Variants in EYS observed in about 807,000 individuals in gnomAD.
EYS encodes the protein EGF-like photoreceptor maintenance factor.
In EYS, 250 loss-of-function variants were observed where a neutral mutation model predicts 282.1. The observed-to-expected ratio is 0.89, with a 90% CI of 0.80 to 0.98. EYS has a LOEUF of 0.98. Among genes scored for constraint, EYS ranks in the 50% least tolerant of loss-of-function variants. The probability of loss-of-function intolerance (pLI) is 0.00; values close to 1 mark genes in which losing one functional copy is unlikely to be tolerated. For synonymous variants in EYS, 1,355 were observed against 1,282.9 expected, an observed-to-expected ratio of 1.06 and a Z score of -1.20; for missense variants, 4,016 against 3,709.0, an observed-to-expected ratio of 1.08 and a Z score of -2.15.
At chr6:64,138,026 C>G (rs996786513) in intron 31 of EYS, among the ~76,000 whole-genome samples, 1 of 152,172 alleles carries the variant, frequency 6.6e-6, no homozygotes, top group East Asian at 1.9e-4. Flanking sequence ...AGAATAGTGA[C>G]TTTAAGCACT....
intron 36 of EYS, chr6:63,821,275 A>C (rs1238387749): frequency 6.6e-6 from 1 of 152,090 alleles, no homozygotes; most frequent in Non-Finnish European, 1.5e-5. Flanking sequence ...GTTAAAATAG[A>C]AGTTCTAGCT....
At chr6:65,645,532 T>C in intron 1 of EYS, among the ~76,000 whole-genome samples, 1 of 152,118 alleles carries the variant, frequency 6.6e-6, no homozygotes, top group South Asian at 2.1e-4. Flanking sequence ...GCAAAAGTGG[T>C]GCTAAGAGGA....
chr6:64,773,565 A>G (rs1773589571), intron 22 of EYS, among the ~76,000 whole-genome samples: 1 of 152,042 alleles, frequency 6.6e-6, no homozygotes, highest in African/African-American at 2.4e-5. Context: ...GCATTCTACA[A>G]TGGGTGAACT....
chr6:65,353,739 A>T (rs1764373719), intron 8 of EYS, 122 bp from the exon 9 acceptor site: 2 of 697,206 alleles, frequency 2.9e-6, no homozygotes, highest in East Asian at 5.5e-5. Flanking sequence ...TATGGGACAC[A>T]CTTTTTATAC....
intron 30 of EYS, among the ~76,000 whole-genome samples, chr6:64,253,017 A>G (rs1253572145): frequency 6.6e-6 from 1 of 152,242 alleles, no homozygotes; most frequent in East Asian, 1.9e-4. Flanking sequence ...AGGCCACTGC[A>G]TATTACATAT....
intron 22 of EYS, among the ~76,000 whole-genome samples, chr6:64,748,359 G>C (rs12209510): frequency 0.68 from 103,520 of 152,150 alleles, 37,412 homozygotes; most frequent in Non-Finnish European, 0.8. Flanking sequence ...TCCACAGACA[G>C]GGTGAGGAGG....
intron 35 of EYS, among the ~76,000 whole-genome samples, chr6:63,972,555 T>C (rs919976182): frequency 2.6e-5 from 4 of 152,140 alleles, no homozygotes; most frequent in African/African-American, 4.8e-5. Flanking sequence ...TTTTTTATTA[T>C]TATACTTTAA....
Position 65,017,554 on chromosome 6 carries a change from G to A in EYS, c.2138-19851C>T, listed in dbSNP as rs556793846. Among the ~76,000 whole-genome samples, 13 of 152,210 alleles carry A rather than the reference G, an allele frequency of 8.5e-5. No homozygotes were observed. In the East Asian group the frequency reaches 1.7e-3, roughly 20 times the overall value. On this transcript the variant is annotated intron_variant, in intron 13 of 42. Transcript: ENST00000503581. ...AAGTGAGAGTCAATAAAGCAGCCCC[G>A]CCAGTATCAGCTAAGCTGGACTGGC...
intron 31 of EYS, among the ~76,000 whole-genome samples, chr6:64,114,339 T>C (rs76044376): frequency 0.029 from 4,369 of 152,250 alleles, 69 homozygotes; most frequent in Non-Finnish European, 0.046. Context: ...TCATAATGCC[T>C]TTCTAAACTC....
At chr6:65,022,114 G>C (rs1772268192) in intron 13 of EYS, among the ~76,000 whole-genome samples, 1 of 152,146 alleles carries the variant, frequency 6.6e-6, no homozygotes, top group Admixed American at 6.5e-5. Flanking sequence ...TTCTATAATG[G>C]TGTGTTTTAG....
chr6:64,785,806 T>C (rs1773998240), intron 22 of EYS, among the ~76,000 whole-genome samples: 1 of 152,186 alleles, frequency 6.6e-6, no homozygotes, highest in African/African-American at 2.4e-5. Flanking sequence ...TTAAATAAAG[T>C]AGATAAAGTC....
intron 18 of EYS, among the ~76,000 whole-genome samples, chr6:64,896,377 G>T (rs1767466847): frequency 6.6e-6 from 1 of 152,052 alleles, no homozygotes; most frequent in South Asian, 2.1e-4. Context: ...GAGGGACCTT[G>T]CTGTGAGGGA....
At chr6:64,028,198 A>C (rs1279871677) in intron 33 of EYS, among the ~76,000 whole-genome samples, 1 of 152,178 alleles carries the variant, frequency 6.6e-6, no homozygotes, top group Non-Finnish European at 1.5e-5. Context: ...ATCAATCCTG[A>C]AGTCTGGGCA....
intron 26 of EYS, among the ~76,000 whole-genome samples, chr6:64,469,018 C>T (rs1356672948): frequency 6.6e-6 from 1 of 152,108 alleles, no homozygotes; most frequent in East Asian, 1.9e-4. Context: ...GGTATATACC[C>T]AATGTTGGGA....
chr6:63,933,141 A>G (rs771684248), intron 35 of EYS, among the ~76,000 whole-genome samples: 3 of 152,354 alleles, frequency 2.0e-5, no homozygotes, highest in Non-Finnish European at 2.9e-5. Flanking sequence ...AGGCATGCCA[A>G]TCTCCAGGCA....
intron 31 of EYS, among the ~76,000 whole-genome samples, chr6:64,153,997 G>A (rs745745792): frequency 2.0e-4 from 30 of 152,184 alleles, no homozygotes; most frequent in Admixed American, 4.6e-4. Context: ...CAAAGATACA[G>A]TATGATAGGA....
intron 31 of EYS, among the ~76,000 whole-genome samples, chr6:64,118,437 A>G (rs1773463080): frequency 6.6e-6 from 1 of 152,124 alleles, no homozygotes; most frequent in Non-Finnish European, 1.5e-5. Flanking sequence ...TAAATTGGGG[A>G]AAGGACAGGC....
rs564839568 is a variant in EYS at position 64,611,296 on chromosome 6, A to G, written c.3684+6122T>C. The stretch of plus-strand genomic sequence containing the variant: ...GGACTTCCACTATGTGGTGCAGATT[A>G]AGTTTCAGCGCTTTTAGAGATACCT... On this transcript the variant is annotated intron_variant, in intron 24 of 42. Transcript: ENST00000503581. 7.9e-5 allele frequency among the ~76,000 whole-genome samples: 12 copies of G among 152,278 alleles called. No homozygotes were observed. In the East Asian group the frequency reaches 2.1e-3, roughly 27 times the overall value.
At chr6:64,053,704 A>G (rs1020571586) in intron 33 of EYS, among the ~76,000 whole-genome samples, 10 of 152,168 alleles carry the variant, frequency 6.6e-5, no homozygotes, top group Admixed American at 2.6e-4. Context: ...TTAATTAGTG[A>G]TAGCTATTTT....
Sources: allele counts gnomAD v4.1 joint callset (sites outside exome capture counted in the v4.1 genomes callset), GRCh38; gene constraint gnomAD v4.1.1; transcripts MANE v1.5; gene names NCBI Gene and HGNC (gene_info 2026-07-23, HGNC 2026-07-21).